PHF19: variants seen among roughly 807,000 people sequenced by gnomAD.
The protein encoded by PHF19 is PHD finger protein 19.
A neutral mutation model predicts 79.8 loss-of-function variants in PHF19; 21 were observed. The observed-to-expected ratio is 0.26, with a 90% CI of 0.19 to 0.38. The LOEUF (loss-of-function observed/expected upper bound fraction) is 0.38, where lower values mean the gene tolerates loss of function less well. Among genes scored for constraint, PHF19 ranks in the 10% least tolerant of loss-of-function variants. The pLI, the probability that PHF19 is intolerant of heterozygous loss-of-function variation, is 1.00. For missense variants in PHF19, 445 were observed against 744.2 expected (o/e 0.60, Z 4.68); for synonymous variants, 273 against 296.3 (o/e 0.92, Z 0.81).
chr9:120,886,886 G>A (rs987942068), intron 1 of PHF19, among the ~76,000 whole-genome samples: 1 of 152,060 alleles, frequency 6.6e-6, no homozygotes, highest in African/African-American at 2.4e-5. Context: ...TGGCCAGTAT[G>A]GTGAAACCCT....
At chr9:120,877,272 G>A, upstream of PHF19, 1 of 916,136 alleles carries the variant, frequency 1.1e-6, no homozygotes, top group Non-Finnish European at 1.3e-6. Context: ...AGGCGGCGGA[G>A]GGAGGGGCCG....
chr9:120,858,755 G>C (rs920973466), intron 14 of PHF19, among the ~76,000 whole-genome samples: 1 of 150,980 alleles, frequency 6.6e-6, no homozygotes, highest in Non-Finnish European at 1.5e-5. Context: ...TAGGGCTGGG[G>C]GTTAGGGACT....
At position 120,860,558 on chromosome 9, in the gene PHF19, G is replaced by A; in HGVS notation, c.1305-373C>T. On this transcript the variant is annotated intron_variant, in intron 13 of 14. Transcript: ENST00000373896. The surrounding 1 kb of genome is among the most constrained non-coding windows in gnomAD (Gnocchi z 4.1). ...GGATTTAGGTAAAACTACATAGCTAGTACTGATAAGCAGGGTCTGGAGTTC... is the reference window on the plus strand; with the variant it reads ...GGATTTAGGTAAAACTACATAGCTAATACTGATAAGCAGGGTCTGGAGTTC... 3.7e-6 allele frequency: 1 copy of A among 273,588 alleles called. No individual in the cohort carries two copies. Among genetic ancestry groups the A allele is most frequent in the Non-Finnish European group, 7.2e-6 (1 of 139,056 alleles). The allele number at this position is 273,588 out of a possible 1,614,324, so 16.9% of individuals were successfully genotyped here.
At position 120,869,265 on chromosome 9, in the gene PHF19, G is replaced by C. The variant is rs1291824137; in HGVS notation, c.531C>G (p.Ser177=). ...RTLQAVKMVL[S]YQPEELEWDS... Reference sequence around the variant, plus strand: ...CCCACTCGAGCTCCTCGGGCTGGTAGGACAGCACCATCTTCACGGCCTGCA... The same window carrying C: ...CCCACTCGAGCTCCTCGGGCTGGTACGACAGCACCATCTTCACGGCCTGCA... Residue 177 remains serine (S), a synonymous_variant, in exon 6 of 15, where the codon TCC becomes TCG. Transcript: ENST00000373896. This position sits in a 1 kb window ranked among gnomAD's most constrained non-coding sequence, Gnocchi z 5.8. 6.2e-7 allele frequency: 1 copy of C among 1,612,982 alleles called. No individual in the cohort carries two copies. The highest frequency in any genetic ancestry group is 1.3e-5 in the African/African-American group (1 of 75,070).
At chr9:120,888,144 TG>T (rs1452661774) in intron 1 of PHF19, among the ~76,000 whole-genome samples, 1 of 152,206 alleles carries the variant, frequency 6.6e-6, no homozygotes, top group Non-Finnish European at 1.5e-5. Context: ...GGATAATTTT[TG>T]TATTTTTTTA....
rs761163945 is a variant in PHF19 at position 120,862,764 on chromosome 9, T to C, written c.969-15A>G. ...CGCAGAGGAACCTGGGGGTGGGCAG[T>C]GGGAGGAAGAAGCTCTGGAGTCTGT... On this transcript the variant is annotated splice_polypyrimidine_tract_variant and intron_variant, in intron 10 of 14. Transcript: ENST00000373896. This position sits in a 1 kb window ranked among gnomAD's most constrained non-coding sequence, Gnocchi z 4.6. The C allele has an allele frequency of 8.7e-6, 14 of 1,613,554 alleles. No individual in the cohort carries two copies. The highest frequency in any genetic ancestry group is 1.2e-5 in the Non-Finnish European group (14 of 1,179,728).
upstream of PHF19, among the ~76,000 whole-genome samples, chr9:120,878,366 T>TG (rs1412549855): frequency 6.6e-6 from 1 of 152,136 alleles, no homozygotes; most frequent in Non-Finnish European, 1.5e-5. Context: ...GACTCACTCT[T>TG]GGGGGAAGGG....
At chr9:120,897,978 CAAAAA>C (rs577932181), upstream of PHF19, among the ~76,000 whole-genome samples, 16 of 99,666 alleles carry the variant, frequency 1.6e-4, no homozygotes, top group East Asian at 8.6e-4. Context: ...GACCCCGTCT[CAAAAA>C]AAAAAAAAAA....
intron 3 of PHF19, among the ~76,000 whole-genome samples, chr9:120,872,081 C>CTTCA (rs1351718009): frequency 7.5e-6 from 1 of 133,298 alleles, no homozygotes; most frequent in Non-Finnish European, 1.6e-5. Flanking sequence ...AATGGTACCT[C>CTTCA]TTCATCTCTG....
At chr9:120,885,068 A>T (rs907121239) in intron 1 of PHF19, among the ~76,000 whole-genome samples, 1 of 152,100 alleles carries the variant, frequency 6.6e-6, no homozygotes, top group African/African-American at 2.4e-5. Flanking sequence ...AATAAAAATA[A>T]ATTAGCTGGG....
In PHF19 at chr9:120,874,488, C is replaced by T; in HGVS notation, c.186+68G>A. The T allele has an allele frequency of 1.8e-6, 2 of 1,084,138 alleles. No homozygotes were observed. Among genetic ancestry groups the T allele is most frequent in the East Asian group, 2.4e-5 (1 of 41,896 alleles). 67.2% of individuals were successfully genotyped at this position (1,084,138 alleles called of 1,614,324 possible). ...GCAATCCCCCTGCCCCCTGGTCTGA[C>T]AGCCAGGCTGGAACATGAGCAGAGA... On this transcript the variant is annotated intron_variant, in intron 2 of 14. Coordinates refer to ENST00000373896, the MANE Select transcript of PHF19 (RefSeq NM_015651.3). The surrounding 1 kb of genome is among the most constrained non-coding windows in gnomAD (Gnocchi z 4.5).
upstream of PHF19, chr9:120,895,002 T>G (rs191716593): frequency 8.8e-4 from 329 of 372,686 alleles, 1 homozygote; most frequent in African/African-American, 6.5e-3. Context: ...GACCTTCTCT[T>G]GTATTTGTGT....
At chr9:120,858,503 T>G (rs1213527605) in intron 14 of PHF19, among the ~76,000 whole-genome samples, 1 of 151,896 alleles carries the variant, frequency 6.6e-6, no homozygotes, top group Non-Finnish European at 1.5e-5. Flanking sequence ...CACCAGATCC[T>G]CACAAGAGCC....
intron 12 of PHF19, 85 bp downstream of exon 12, chr9:120,861,833 G>A (rs1588092159): frequency 1.1e-6 from 1 of 916,176 alleles, no homozygotes; most frequent in Non-Finnish European, 1.8e-6. Context: ...CTCTGGGCCT[G>A]GGGGACTTAG....
chr9:120,865,565 T>G, intron 9 of PHF19, 145 bp downstream of exon 9: 1 of 1,039,458 alleles, frequency 9.6e-7, no homozygotes. Context: ...GGAAGGCCCT[T>G]AAAGGACACA....
intron 1 of PHF19, among the ~76,000 whole-genome samples, chr9:120,885,330 A>G (rs1304711389): frequency 6.6e-6 from 1 of 152,094 alleles, no homozygotes; most frequent in East Asian, 1.9e-4. Flanking sequence ...CTGTAATCCT[A>G]GCACTTTGGG....
the PHF19 span, among the ~76,000 whole-genome samples, chr9:120,900,849 A>G: frequency 6.6e-6 from 1 of 152,224 alleles, no homozygotes; most frequent in Non-Finnish European, 1.5e-5. Flanking sequence ...TAGAAGCGTG[A>G]GCCATTGTGC....
At chr9:120,873,528 A>C (rs2045962691) in intron 3 of PHF19, among the ~76,000 whole-genome samples, 1 of 152,204 alleles carries the variant, frequency 6.6e-6, no homozygotes. Flanking sequence ...TGCCCCGTGG[A>C]GAAGGCTGCT....
chr9:120,870,071 A>C lies in PHF19; in HGVS notation c.365-126T>G. On this transcript the variant is annotated intron_variant, in intron 4 of 14. Transcript: ENST00000373896. This position sits in a 1 kb window ranked among gnomAD's most constrained non-coding sequence, Gnocchi z 4.4. ...GGAGCTCTGCCTGCCAGCTGCCGGG[A>C]GCCTGGCTGCTGGTGCCCACCAAGA... 4.4e-6 allele frequency: 6 copies of C among 1,371,356 alleles called. No homozygotes were observed. The highest frequency in any genetic ancestry group is 1.4e-5 in the South Asian group (1 of 71,266). 84.9% of individuals were successfully genotyped at this position (1,371,356 alleles called of 1,614,324 possible).
Sources: gnomAD v4.1 joint callset for allele counts (sites outside exome capture counted in the v4.1 genomes callset) on GRCh38, gnomAD v4.1.1 for gene constraint, Gnocchi (gnomAD v3.1) non-coding constraint, MANE v1.5 for transcripts, NCBI Gene and HGNC (gene_info 2026-07-23, HGNC 2026-07-21) for gene names.